ANO6: variants seen among roughly 807,000 people sequenced by gnomAD.
The protein encoded by ANO6 is anoctamin-6.
ANO6 carries 106 observed loss-of-function variants against 117.5 expected under a neutral mutation model. That is an observed-to-expected ratio of 0.90 (90% CI 0.77 to 1.06). The LOEUF (loss-of-function observed/expected upper bound fraction) is 1.06, where lower values mean the gene tolerates loss of function less well. Ranked by LOEUF, ANO6 falls within the 50% of genes least tolerant of loss-of-function variation. ANO6 has a pLI of 0.00. For synonymous variants in ANO6, 367 were observed against 385.1 expected, an observed-to-expected ratio of 0.95 and a Z score of 0.55; for missense variants, 955 against 1,121.1, an observed-to-expected ratio of 0.85 and a Z score of 2.12.
intron 16 of ANO6, among the ~76,000 whole-genome samples, chr12:45,414,811 T>G (rs544136976): frequency 6.6e-6 from 1 of 152,360 alleles, no homozygotes; most frequent in East Asian, 1.9e-4. Context: ...TTGCCCAGGC[T>G]GGAGTGCAGT....
intron 1 of ANO6, among the ~76,000 whole-genome samples, chr12:45,275,849 A>G (rs1323476238): frequency 6.6e-6 from 1 of 152,118 alleles, no homozygotes; most frequent in Non-Finnish European, 1.5e-5. Context: ...TCTTCATGCT[A>G]TGGTTTAAGC....
rs1055299548 is a variant in ANO6 at position 45,216,260 on chromosome 12, C to G, written c.-62C>G. On this transcript the variant is annotated 5_prime_UTR_variant, in exon 1 of 20. Transcript: ENST00000320560. ...GATCCGGCCCCTGGGAGAGCCGCGC[C>G]GTTCTGGAACCCGGGAGCCCCCAAC... The G allele has an allele frequency of 1.9e-6, 3 of 1,547,902 alleles. No homozygotes were observed. Among genetic ancestry groups the G allele is most frequent in the Middle Eastern group, 1.7e-4 (1 of 5,968 alleles).
rs1207345459 is a variant in ANO6 at position 45,299,684 on chromosome 12, C to G, written c.71-2330C>G. ...TGGCCAGTATGGTGAAAACGCTTCT[C>G]TACTAAAAATACAAAAAAAACTAGC... On this transcript the variant is annotated intron_variant, in intron 1 of 19. Transcript: ENST00000320560. Among the ~76,000 whole-genome samples the G allele has an allele frequency of 3.3e-5, 5 of 151,992 alleles. No individual in the cohort carries two copies. The East Asian group carries it at 9.7e-4, about 29-fold the overall frequency.
chr12:45,256,713 CT>C, intron 1 of ANO6: 1 of 152,256 alleles, frequency 6.6e-6, no homozygotes, highest in Middle Eastern at 3.4e-3. Context: ...TTTCATTCCT[CT>C]TTTTTGTTTC....
At chr12:45,378,023 A>T in intron 9 of ANO6, 30 bp from the exon 10 acceptor site, 5 of 1,577,026 alleles carry the variant, frequency 3.2e-6, no homozygotes, top group Non-Finnish European at 4.4e-6. Flanking sequence ...GGAGGATATG[A>T]CTCATTTATA....
Position 45,389,605 on chromosome 12 carries a change from A to G in ANO6, c.1309-816A>G, listed in dbSNP as rs566400314. Among the ~76,000 whole-genome samples the G allele has an allele frequency of 4.8e-4, 73 of 152,272 alleles. 1 individual carries two copies. The highest frequency in any genetic ancestry group is 1.8e-3 in the African/African-American group (73 of 41,554). The stretch of plus-strand genomic sequence containing the variant: ...TATGGTTATTCCTCGTTTCACTTTC[A>G]TTGCCCACATACCCTCCCTTTGTTT... On this transcript the variant is annotated intron_variant, in intron 11 of 19. Transcript: ENST00000320560.
chr12:45,371,008 G>A (rs1013738804), intron 9 of ANO6, among the ~76,000 whole-genome samples: 40 of 152,284 alleles, frequency 2.6e-4, no homozygotes, highest in African/African-American at 3.8e-4. Context: ...TGCACGCACC[G>A]TGCGCGAGCC....
chr12:45,225,263 T>G (rs1407666939), intron 1 of ANO6, among the ~76,000 whole-genome samples: 2 of 152,206 alleles, frequency 1.3e-5, no homozygotes, highest in African/African-American at 4.8e-5. Flanking sequence ...CTGTAGCAGA[T>G]GATTAAAATG....
chr12:45,230,798 T>A (rs541689300), intron 1 of ANO6, among the ~76,000 whole-genome samples: 1 of 152,238 alleles, frequency 6.6e-6, no homozygotes, highest in Non-Finnish European at 1.5e-5. Context: ...ATCATGTGAA[T>A]TTTTAATAAA....
At chr12:45,422,839 G>A (rs1943400655) in intron 18 of ANO6, 118 bp from the exon 19 acceptor site, 2 of 793,200 alleles carry the variant, frequency 2.5e-6, no homozygotes, top group Admixed American at 1.9e-5. Flanking sequence ...CTCCCAAAGT[G>A]CTAGGATTAC....
chr12:45,255,514 T>A (rs1056339471), intron 1 of ANO6, among the ~76,000 whole-genome samples: 1 of 152,086 alleles, frequency 6.6e-6, no homozygotes, highest in Non-Finnish European at 1.5e-5. Context: ...AAAACAGGAA[T>A]GTTGCTGAAG....
At chr12:45,274,572 T>A (rs2037857) in intron 1 of ANO6, among the ~76,000 whole-genome samples, 14 of 151,796 alleles carry the variant, frequency 9.2e-5, no homozygotes, top group Non-Finnish European at 1.8e-4. Flanking sequence ...TTCATGCACC[T>A]CTTGGTCTGA....
At chr12:45,401,746 A>C (rs1183425770) in intron 12 of ANO6, 49 bp from the exon 13 acceptor site, 1 of 1,440,572 alleles carries the variant, frequency 6.9e-7, no homozygotes, top group South Asian at 1.1e-5. Flanking sequence ...TAATAGTACA[A>C]GTGCAGTTAT....
chr12:45,244,501 C>G (rs1947795803), intron 1 of ANO6, among the ~76,000 whole-genome samples: 7 of 151,386 alleles, frequency 4.6e-5, no homozygotes. Flanking sequence ...TATTTATGTA[C>G]TCGCAGGTCT....
At position 45,319,476 on chromosome 12, in the gene ANO6, A is replaced by G. The variant is rs183000098; in HGVS notation, c.151-11819A>G. On this transcript the variant is annotated intron_variant, in intron 2 of 19. Coordinates refer to ENST00000320560, the MANE Select transcript of ANO6 (RefSeq NM_001025356.3). ...TCCCAGGGATGAAGCCTACTTGATC[A>G]CAGTGGATAAGCTTTTTGATGTGCT... 1.2e-3 allele frequency among the ~76,000 whole-genome samples: 184 copies of G among 152,344 alleles called. 1 individual carries two copies. The highest frequency in any genetic ancestry group is 0.011 in the Admixed American group (172 of 15,298).
At chr12:45,274,279 C>A (rs988210521) in intron 1 of ANO6, among the ~76,000 whole-genome samples, 1 of 152,176 alleles carries the variant, frequency 6.6e-6, no homozygotes, top group Non-Finnish European at 1.5e-5. Flanking sequence ...GTCGGCTTTA[C>A]TTCTTCACTT....
At chr12:45,352,754 T>C (rs1941313047) in intron 7 of ANO6, among the ~76,000 whole-genome samples, 1 of 151,544 alleles carries the variant, frequency 6.6e-6, no homozygotes, top group Admixed American at 6.6e-5. Context: ...TTATTTAATA[T>C]CATCAGATAA....
At chr12:45,257,046 T>TA (rs200042367) in intron 1 of ANO6, among the ~76,000 whole-genome samples, 2,833 of 148,376 alleles carry the variant, frequency 0.019, 69 homozygotes, top group African/African-American at 0.062. Flanking sequence ...ACCTTTGAAT[T>TA]AAAAAAAAAA....
chr12:45,362,938 A>G (rs1011030669), intron 8 of ANO6, among the ~76,000 whole-genome samples: 5 of 152,174 alleles, frequency 3.3e-5, no homozygotes, highest in African/African-American at 1.2e-4. Flanking sequence ...AAATAGAGAC[A>G]TACAAAAATA....
Sources: gnomAD v4.1 joint callset for allele counts (sites outside exome capture counted in the v4.1 genomes callset) on GRCh38, gnomAD v4.1.1 for gene constraint, MANE v1.5 for transcripts, NCBI Gene and HGNC (gene_info 2026-07-23, HGNC 2026-07-21) for gene names.